The following FBLN1 variants were observed in gnomAD, a reference collection of about 807,000 sequenced individuals.
The protein encoded by FBLN1 is fibulin-1.
Under a neutral mutation model 89.7 loss-of-function variants are expected in FBLN1, and 34 were observed. That is an observed-to-expected ratio of 0.38 (90% CI 0.29 to 0.50). The LOEUF is 0.50. Ranked by LOEUF, FBLN1 falls within the 20% of genes least tolerant of loss-of-function variation. The pLI is 0.92. For missense variants in FBLN1, 777 were observed against 988.1 expected, an observed-to-expected ratio of 0.79 and a Z score of 2.86; for synonymous variants, 393 against 391.3, an observed-to-expected ratio of 1.00 and a Z score of -0.05.
At chr22:45,538,368 G>A (rs1014026705) in intron 8 of FBLN1, among the ~76,000 whole-genome samples, 1 of 152,224 alleles carries the variant, frequency 6.6e-6, no homozygotes, top group African/African-American at 2.4e-5. Context: ...CCTAAGTGTA[G>A]GAAGTAAACG....
intron 14 of FBLN1, chr22:45,564,803 A>C: frequency 1.3e-6 from 2 of 1,542,262 alleles, no homozygotes; most frequent in Non-Finnish European, 1.8e-6. Flanking sequence ...ATGTCTGTTC[A>C]GGGAACAGAT....
chr22:45,544,324 T>C (rs377105918), intron 11 of FBLN1, among the ~76,000 whole-genome samples: 35 of 152,314 alleles, frequency 2.3e-4, no homozygotes, highest in African/African-American at 8.4e-4. Flanking sequence ...TGACCTCAGA[T>C]GATCCGCCCA....
intron 14 of FBLN1, among the ~76,000 whole-genome samples, chr22:45,551,408 C>T (rs149520846): frequency 6.6e-6 from 1 of 152,342 alleles, no homozygotes; most frequent in Non-Finnish European, 1.5e-5. Context: ...CTGCCTTGGG[C>T]TCTTGGCCAG....
At chr22:45,514,008 G>C (rs1267350674) in intron 1 of FBLN1, among the ~76,000 whole-genome samples, 5 of 152,034 alleles carry the variant, frequency 3.3e-5, no homozygotes, top group Non-Finnish European at 7.4e-5. Context: ...GGTCAGGCTG[G>C]TCTCGAACTC....
chr22:45,537,632 AAAG>A lies in FBLN1; in HGVS notation c.922+2297_922+2299del, dbSNP rs376506800. Among the ~76,000 whole-genome samples, 526 of 152,034 alleles carry A rather than the reference AAAG, an allele frequency of 3.5e-3. 4 individuals are homozygous for A. The highest frequency in any genetic ancestry group is 0.012 in the African/African-American group (500 of 41,524). Reference sequence around the variant, plus strand: ...AAGACTCTGTGTCAAAAAAAAAAAAAAAGATAAAAAGACAAGTGGAACAGTGAG... The same window carrying A: ...AAGACTCTGTGTCAAAAAAAAAAAAAATAAAAAGACAAGTGGAACAGTGAG... On this transcript the variant is annotated intron_variant, in intron 8 of 16. Coordinates refer to ENST00000327858, the MANE Select transcript of FBLN1 (RefSeq NM_006486.3). The surrounding 1 kb of genome is among the most constrained non-coding windows in gnomAD (Gnocchi z 5.7).
chr22:45,575,382 G>T lies in FBLN1; in HGVS notation c.1840+729G>T, dbSNP rs186520094. ...CCAGAAGGGTCTGGAGGTATGGGGG[G>T]GCGGTGTGGGCGTTTGAGAAACTGA... On this transcript the variant is annotated intron_variant, in intron 15 of 16. Coordinates refer to ENST00000327858, the MANE Select transcript of FBLN1 (RefSeq NM_006486.3). This position sits in a 1 kb window ranked among gnomAD's most constrained non-coding sequence, Gnocchi z 6.3. Among the ~76,000 whole-genome samples the T allele has an allele frequency of 6.6e-5, 10 of 152,070 alleles. No homozygotes were observed. Among genetic ancestry groups the T allele is most frequent in the African/African-American group, 2.4e-4 (10 of 41,408 alleles).
rs1470639079 is a variant in FBLN1 at position 45,513,346 on chromosome 22, C to A, written c.80-5336C>A. ...TTGAGATGTAGTCTCACTCTGTCACCCAGGCTGGAATGCAGTGGCATAATC... is the reference window on the plus strand; with the variant it reads ...TTGAGATGTAGTCTCACTCTGTCACACAGGCTGGAATGCAGTGGCATAATC... On this transcript the variant is annotated intron_variant, in intron 1 of 16. Coordinates refer to ENST00000327858, the MANE Select transcript of FBLN1 (RefSeq NM_006486.3). Among the ~76,000 whole-genome samples the A allele has an allele frequency of 2.6e-5, 4 of 151,282 alleles. No individual in the cohort carries two copies. The East Asian group carries it at 7.8e-4, about 29-fold the overall frequency.
intron 3 of FBLN1, among the ~76,000 whole-genome samples, chr22:45,526,832 C>T (rs904251234): frequency 2.0e-5 from 3 of 152,220 alleles, no homozygotes; most frequent in Non-Finnish European, 2.9e-5. Context: ...CCCCCGCACC[C>T]TCCCACCCAA....
At chr22:45,567,666 A>G (rs2088911042) in intron 14 of FBLN1, among the ~76,000 whole-genome samples, 1 of 152,146 alleles carries the variant, frequency 6.6e-6, no homozygotes, top group Non-Finnish European at 1.5e-5. Flanking sequence ...AGGCAGATGC[A>G]TTATTTCTGA....
intron 2 of FBLN1, among the ~76,000 whole-genome samples, chr22:45,523,651 C>A (rs963622800): frequency 6.6e-6 from 1 of 152,146 alleles, no homozygotes; most frequent in Admixed American, 6.5e-5. Flanking sequence ...TTGCAGTGAG[C>A]CCTGATCGCA....
At position 45,543,426 on chromosome 22, in the gene FBLN1, C is replaced by T. The variant is rs375160844; in HGVS notation, c.1221C>T (p.Pro407=). ...CVDVNECQRY[P]GRLCGHKCEN... is the part of the protein sequence containing the mutation. ...ATGTCAACGAGTGCCAGCGCTACCC[C>T]GGGCGCCTGTGTGGCCACAAGTGCG... Residue 407 remains proline, a synonymous_variant, in exon 11 of 17, where the codon CCC becomes CCT. Transcript: ENST00000327858. 5.9e-5 allele frequency: 96 copies of T among 1,613,522 alleles called. No homozygotes were observed. In the African/African-American group the frequency reaches 8.8e-4, roughly 15 times the overall value.
At chr22:45,573,490 A>G (rs1356715321) in intron 14 of FBLN1, among the ~76,000 whole-genome samples, 1 of 151,676 alleles carries the variant, frequency 6.6e-6, no homozygotes, top group Non-Finnish European at 1.5e-5. Flanking sequence ...CCTGACCAAC[A>G]TGGTAAAACC....
intron 16 of FBLN1, among the ~76,000 whole-genome samples, chr22:45,594,883 T>TGG (rs1601547469): frequency 2.6e-5 from 4 of 151,734 alleles, no homozygotes; most frequent in African/African-American, 9.7e-5. Context: ...GATGGATGGA[T>TGG]AGATGGATTG....
At chr22:45,564,967 T>G (rs1053488062) in intron 14 of FBLN1, 15 of 1,613,942 alleles carry the variant, frequency 9.3e-6, no homozygotes, top group Non-Finnish European at 1.3e-5. Flanking sequence ...AAGCAGGGGT[T>G]GGAGGATACC....
Position 45,535,221 on chromosome 22 carries a change from G to A in FBLN1, c.806G>A (p.Gly269Asp). ...CCAGATATTGACGAGTGTGAGAGTG[G>A]TATTCATAACTGCCTCCCCGATTTT... ...SCKDIDECESGIHNCLPDFIC... is the reference protein window; with the variant it reads ...SCKDIDECESDIHNCLPDFIC... The change falls in exon 8 of 17, where the codon GGT becomes GAT. Residue 269 changes from glycine to aspartate, a missense_variant. Coordinates refer to ENST00000327858, the MANE Select transcript of FBLN1 (RefSeq NM_006486.3). The A allele has an allele frequency of 6.2e-7, 1 of 1,614,148 alleles. No homozygotes were observed. The highest frequency in any genetic ancestry group is 8.5e-7 in the Non-Finnish European group (1 of 1,180,010).
chr22:45,560,252 G>A (rs1309990823), intron 14 of FBLN1, among the ~76,000 whole-genome samples: 1 of 152,182 alleles, frequency 6.6e-6, no homozygotes, highest in Non-Finnish European at 1.5e-5. Context: ...TTTAAATTTT[G>A]TAGTTGAGTG....
At chr22:45,593,208 A>G (rs1262421183) in intron 16 of FBLN1, among the ~76,000 whole-genome samples, 1 of 146,116 alleles carries the variant, frequency 6.8e-6, no homozygotes, top group Non-Finnish European at 1.5e-5. Context: ...ATGGAGAGAC[A>G]ATCAAGTGCA....
At chr22:45,539,205 CT>C (rs549125499) in intron 8 of FBLN1, among the ~76,000 whole-genome samples, 1,762 of 93,696 alleles carry the variant, frequency 0.019, 54 homozygotes, top group African/African-American at 0.066. Context: ...TTCTTTTCTT[CT>C]TTTTTTTTTT....
At position 45,579,653 on chromosome 22, in the gene FBLN1, G is replaced by T. The variant is rs1006171092; in HGVS notation, c.1972+2545G>T. ...TGGCTGGGCTCCTGGAGTTGACCTG[G>T]TGCCCATGTCATCTCAGGTGGAAGA... is the stretch of plus-strand genomic sequence containing the variant. On this transcript the variant is annotated intron_variant, in intron 16 of 16. Coordinates refer to ENST00000327858, the MANE Select transcript of FBLN1 (RefSeq NM_006486.3). This position sits in a 1 kb window ranked among gnomAD's most constrained non-coding sequence, Gnocchi z 5.5. Among the ~76,000 whole-genome samples, 5 of 152,184 alleles carry T rather than the reference G, an allele frequency of 3.3e-5. No homozygotes were observed. Among genetic ancestry groups the T allele is most frequent in the African/African-American group, 9.7e-5 (4 of 41,448 alleles).
Sources: gnomAD v4.1 joint callset for allele counts (sites outside exome capture counted in the v4.1 genomes callset) on GRCh38, gnomAD v4.1.1 for gene constraint, Gnocchi (gnomAD v3.1) non-coding constraint, MANE v1.5 for transcripts, NCBI Gene and HGNC (gene_info 2026-07-23, HGNC 2026-07-21) for gene names.